Variants in NAV2 observed in about 807,000 individuals in gnomAD.
NAV2 encodes neuron navigator 2.
A neutral mutation model predicts 223.2 loss-of-function variants in NAV2; 54 were observed. That is an observed-to-expected ratio of 0.24 (90% confidence interval 0.19 to 0.30). The LOEUF is 0.30. NAV2 is among the 10% of genes least tolerant of loss of function. The pLI, the probability that NAV2 is intolerant of heterozygous loss-of-function variation, is 1.00. For synonymous variants in NAV2, 1,279 were observed against 1,239.3 expected, an observed-to-expected ratio of 1.03 and a Z score of -0.67; for missense variants, 2,806 against 3,147.5, an observed-to-expected ratio of 0.89 and a Z score of 2.60.
Position 20,114,721 on chromosome 11 carries a change from G to A in NAV2, c.7090G>A (p.Asp2364Asn), listed in dbSNP as rs781482986. The stretch of plus-strand genomic sequence containing the variant: ...GTTACGGCCTGAGGATGTCGGCTTC[G>A]ACGGCTACTCCATGCCTCGGGAGGG... ...LQLRPEDVGF[D>N]GYSMPREGST... The change falls in exon 37 of 38, where the codon GAC becomes AAC. Residue 2364 changes from aspartate to asparagine, a missense_variant. This residue lies in a region of NAV2 where 824 missense variants were observed against 1,069.4 expected (regional missense o/e 0.77). Coordinates refer to ENST00000349880, the MANE Select transcript of NAV2 (RefSeq NM_145117.5). 2.5e-5 allele frequency: 40 copies of A among 1,613,956 alleles called. No homozygotes were observed. The highest frequency in any genetic ancestry group is 3.1e-5 in the Non-Finnish European group (36 of 1,180,036).
At chr11:19,529,808 G>A (rs2043969054) in intron 1 of NAV2, among the ~76,000 whole-genome samples, 1 of 152,228 alleles carries the variant, frequency 6.6e-6, no homozygotes, top group Admixed American at 6.5e-5. Context: ...CGGGCCTCCT[G>A]CCCTACATAG....
chr11:19,836,050 G>A (rs2152921838), intron 2 of NAV2, among the ~76,000 whole-genome samples: 1 of 152,240 alleles, frequency 6.6e-6, no homozygotes, highest in African/African-American at 2.4e-5. Context: ...TGCCTTGCAT[G>A]CAGTGATGTT....
intron 1 of NAV2, among the ~76,000 whole-genome samples, chr11:19,486,953 G>T (rs959219705): frequency 1.3e-5 from 2 of 152,170 alleles, no homozygotes; most frequent in African/African-American, 4.8e-5. Flanking sequence ...AGGGAAAGTT[G>T]CAACCAAGTG....
chr11:19,924,801 C>T (rs924502687), intron 6 of NAV2, among the ~76,000 whole-genome samples: 1 of 152,128 alleles, frequency 6.6e-6, no homozygotes, highest in African/African-American at 2.4e-5. Flanking sequence ...TAATTTTGAG[C>T]GCTGTGGAGA....
chr11:20,026,275 A>G (rs2055057432), intron 11 of NAV2, among the ~76,000 whole-genome samples: 1 of 152,122 alleles, frequency 6.6e-6, no homozygotes, highest in African/African-American at 2.4e-5. Flanking sequence ...GTCCAGAGAC[A>G]GGTGGCTTGC....
At chr11:19,549,806 A>G (rs2044630099) in intron 1 of NAV2, among the ~76,000 whole-genome samples, 2 of 152,268 alleles carry the variant, frequency 1.3e-5, no homozygotes, top group South Asian at 4.1e-4. Context: ...GCATTAGGTC[A>G]TCTGCCCCAC....
intron 1 of NAV2, among the ~76,000 whole-genome samples, chr11:19,356,400 T>C (rs893625940): frequency 3.9e-5 from 6 of 152,206 alleles, no homozygotes; most frequent in African/African-American, 1.4e-4. Flanking sequence ...GAGTACCTAC[T>C]GTGTGCCAGC....
intron 1 of NAV2, among the ~76,000 whole-genome samples, chr11:19,408,980 A>G (rs1171113788): frequency 7.2e-6 from 1 of 138,494 alleles, no homozygotes; most frequent in Non-Finnish European, 1.6e-5. Flanking sequence ...TGTGAAGCTA[A>G]AGGTTACCCT....
chr11:19,376,284 C>CA (rs546252187), intron 1 of NAV2, among the ~76,000 whole-genome samples: 1 of 152,034 alleles, frequency 6.6e-6, no homozygotes, highest in Non-Finnish European at 1.5e-5. Context: ...AACAAACAAA[C>CA]AAAAAAACAA....
In NAV2 at chr11:20,045,392, G is replaced by A. The variant is rs747338896; in HGVS notation, c.3624G>A (p.Arg1208=). Residue 1208 remains arginine (R), a synonymous_variant, in exon 14 of 38, where the codon AGG becomes AGA. Coordinates refer to ENST00000349880, the MANE Select transcript of NAV2 (RefSeq NM_145117.5). ...ACAGCCGGAACGGGGCTGGGAACAG[G>A]TCTAGCACCAGCAGCATAGATTCCA... The part of the protein sequence containing the change: ...KSNSRNGAGN[R]SSTSSIDSNI... 3.1e-6 allele frequency: 5 copies of A among 1,614,050 alleles called. No individual in the cohort carries two copies. In the East Asian group the frequency reaches 8.9e-5, roughly 29 times the overall value.
chr11:19,972,230 G>A (rs7933147), intron 10 of NAV2, among the ~76,000 whole-genome samples: 78,937 of 152,092 alleles, frequency 0.52, 21,249 homozygotes, highest in Non-Finnish European at 0.57. Flanking sequence ...CTCCCTCCCT[G>A]GAGATAGGAT....
At chr11:20,088,281 G>A (rs1487602484) in intron 26 of NAV2, among the ~76,000 whole-genome samples, 3 of 152,154 alleles carry the variant, frequency 2.0e-5, no homozygotes, top group South Asian at 2.1e-4. Flanking sequence ...AGGTTCAAGC[G>A]ATTCTCCTGC....
intron 7 of NAV2, among the ~76,000 whole-genome samples, chr11:19,938,964 G>A (rs908437784): frequency 1.3e-5 from 2 of 152,226 alleles, no homozygotes; most frequent in Non-Finnish European, 2.9e-5. Flanking sequence ...GTGTAATTAT[G>A]CATTTGCATG....
chr11:19,581,628 T>A (rs994825648), intron 1 of NAV2, among the ~76,000 whole-genome samples: 5 of 152,182 alleles, frequency 3.3e-5, no homozygotes, highest in African/African-American at 1.2e-4. Context: ...TGGTTTTTTG[T>A]CCTTGTGATA....
At chr11:19,498,009 A>C (rs1199861649) in intron 1 of NAV2, among the ~76,000 whole-genome samples, 2 of 152,222 alleles carry the variant, frequency 1.3e-5, no homozygotes, top group East Asian at 3.8e-4. Context: ...AATTTCACAC[A>C]TAAGGAAACT....
intron 6 of NAV2, among the ~76,000 whole-genome samples, chr11:19,898,504 C>T (rs1430562330): frequency 6.6e-6 from 1 of 152,194 alleles, no homozygotes; most frequent in African/African-American, 2.4e-5. Context: ...GACAGCCTTT[C>T]TCGTTTGTGC....
chr11:19,711,685 T>C (rs2049885465), upstream of NAV2: 1 of 152,188 alleles, frequency 6.6e-6, no homozygotes, highest in South Asian at 2.1e-4. Context: ...GAAAGACAAA[T>C]AGTTTATAAA....
intron 35 of NAV2, chr11:20,107,403 A>T (rs2062233135): frequency 6.5e-6 from 3 of 461,052 alleles, no homozygotes; most frequent in Non-Finnish European, 1.2e-5. Flanking sequence ...TTTAAAAATC[A>T]AGATTAGTGA....
chr11:19,442,298 C>T (rs1372398495), intron 1 of NAV2, among the ~76,000 whole-genome samples: 2 of 152,246 alleles, frequency 1.3e-5, no homozygotes, highest in African/African-American at 2.4e-5. Context: ...ATTCCTATTT[C>T]CCCTGCTCAT....
Sources: gnomAD v4.1 joint callset for allele counts (sites outside exome capture counted in the v4.1 genomes callset) on GRCh38, gnomAD v4.1.1 for gene constraint, gnomAD v4.1.1 regional missense constraint, MANE v1.5 for transcripts, NCBI Gene and HGNC (gene_info 2026-07-23, HGNC 2026-07-21) for gene names.